Variants in SIPA1L1 observed in about 807,000 individuals in gnomAD.
The protein encoded by SIPA1L1 is signal-induced proliferation-associated 1-like protein 1.
SIPA1L1 carries 26 observed loss-of-function variants against 162.7 expected under a neutral mutation model. That is an observed-to-expected ratio of 0.16 (90% confidence interval 0.12 to 0.22). The LOEUF (loss-of-function observed/expected upper bound fraction) is 0.22. SIPA1L1 is among the 10% of genes least tolerant of loss of function. The pLI is 1.00. For synonymous variants in SIPA1L1, 829 were observed against 837.4 expected (o/e 0.99, Z 0.17); for missense variants, 1,874 against 2,241.0 (o/e 0.84, Z 3.31).
At chr14:71,559,545 G>A (rs2056617804) in intron 4 of SIPA1L1, among the ~76,000 whole-genome samples, 1 of 152,138 alleles carries the variant, frequency 6.6e-6, no homozygotes, top group Non-Finnish European at 1.5e-5. Context: ...ATTTATGGTG[G>A]TAAGGGTCTC....
rs190164630 is a variant in SIPA1L1 at position 71,479,929 on chromosome 14, A to G, written c.-464-32814A>G. On this transcript the variant is annotated intron_variant, in intron 2 of 23. Coordinates refer to ENST00000381232, the MANE Select transcript of SIPA1L1 (RefSeq NM_001386936.1). ...TTAATTTCTATTTTTAGTGGAGACA[A>G]GCCCTTACTATATTGTCCAGGATGA... Among the ~76,000 whole-genome samples, 219 of 152,052 alleles carry G rather than the reference A, an allele frequency of 1.4e-3. 1 individual carries two copies. Among genetic ancestry groups the G allele is most frequent in the Non-Finnish European group, 5.6e-4 (38 of 67,968 alleles).
chr14:71,720,107 T>C (rs1345376428), intron 17 of SIPA1L1, among the ~76,000 whole-genome samples: 7 of 152,220 alleles, frequency 4.6e-5, no homozygotes, highest in Non-Finnish European at 8.8e-5. Flanking sequence ...GTTTGATTAA[T>C]ATATGCCTTG....
At chr14:71,626,434 T>C (rs2039994531) in intron 7 of SIPA1L1, among the ~76,000 whole-genome samples, 1 of 152,190 alleles carries the variant, frequency 6.6e-6, no homozygotes, top group South Asian at 2.1e-4. Flanking sequence ...TGGATTGTAC[T>C]GAGATAAAGC....
intron 4 of SIPA1L1, chr14:71,586,461 G>A (rs368220156): frequency 1.3e-5 from 2 of 152,178 alleles, no homozygotes; most frequent in Admixed American, 6.5e-5. Flanking sequence ...AGACAATGCC[G>A]CCCTGTCAGC....
chr14:71,514,639 C>A (rs1375767103), intron 3 of SIPA1L1, among the ~76,000 whole-genome samples: 1 of 152,068 alleles, frequency 6.6e-6, no homozygotes, highest in Non-Finnish European at 1.5e-5. Flanking sequence ...CAGTCCTGCC[C>A]TATTTGTGTC....
chr14:71,332,315 C>T (rs909481871), intron 2 of SIPA1L1, among the ~76,000 whole-genome samples: 12 of 152,146 alleles, frequency 7.9e-5, no homozygotes, highest in African/African-American at 2.9e-4. Flanking sequence ...ATAGCTGATA[C>T]TCTTCTAGTG....
At chr14:71,522,154 C>A (rs974620565) in intron 3 of SIPA1L1, among the ~76,000 whole-genome samples, 1 of 152,118 alleles carries the variant, frequency 6.6e-6, no homozygotes, top group Admixed American at 6.6e-5. Flanking sequence ...AATAATAGTT[C>A]TCTCTGTCTT....
At chr14:71,362,973 G>A (rs1306825660) in intron 2 of SIPA1L1, among the ~76,000 whole-genome samples, 1 of 152,152 alleles carries the variant, frequency 6.6e-6, no homozygotes, top group Non-Finnish European at 1.5e-5. Context: ...TAGTGGGGTT[G>A]GTTACTTAAA....
At chr14:71,421,513 G>A (rs2043187300) in intron 2 of SIPA1L1, among the ~76,000 whole-genome samples, 1 of 152,034 alleles carries the variant, frequency 6.6e-6, no homozygotes, top group South Asian at 2.1e-4. Context: ...GTGGGAGGAT[G>A]GCTTGAGCCC....
intron 7 of SIPA1L1, among the ~76,000 whole-genome samples, chr14:71,647,874 A>G (rs2042305398): frequency 6.7e-6 from 1 of 149,426 alleles, no homozygotes; most frequent in African/African-American, 2.5e-5. Flanking sequence ...AAATGTCAGT[A>G]GTGTGCAGCA....
intron 2 of SIPA1L1, among the ~76,000 whole-genome samples, chr14:71,479,037 C>A (rs369642466): frequency 6.6e-6 from 1 of 152,174 alleles, no homozygotes; most frequent in African/African-American, 2.4e-5. Flanking sequence ...GCTCCTCTAG[C>A]TAAAACTCAG....
chr14:71,660,438 GCCAATAC>G (rs2043414787), intron 9 of SIPA1L1, among the ~76,000 whole-genome samples: 1 of 151,920 alleles, frequency 6.6e-6, no homozygotes, highest in Non-Finnish European at 1.5e-5. Context: ...CCACCTGGCA[GCCAATAC>G]TAGATCACTG....
intron 4 of SIPA1L1, among the ~76,000 whole-genome samples, chr14:71,538,764 C>T (rs2054120882): frequency 6.6e-6 from 1 of 152,124 alleles, no homozygotes; most frequent in Non-Finnish European, 1.5e-5. Context: ...CTGGTGTTTG[C>T]TGGATACAAG....
At chr14:71,664,870 A>T (rs2043857395) in intron 10 of SIPA1L1, among the ~76,000 whole-genome samples, 1 of 152,136 alleles carries the variant, frequency 6.6e-6, no homozygotes, top group South Asian at 2.1e-4. Flanking sequence ...TATTTATGAG[A>T]AGATGGGATT....
chr14:71,417,900 A>G (rs539299318), intron 2 of SIPA1L1, among the ~76,000 whole-genome samples: 1 of 152,292 alleles, frequency 6.6e-6, no homozygotes, highest in Non-Finnish European at 1.5e-5. Flanking sequence ...TGAGTTTGAC[A>G]TGGCCTGAGG....
At chr14:71,393,145 T>C (rs1026887781) in intron 2 of SIPA1L1, among the ~76,000 whole-genome samples, 4 of 152,216 alleles carry the variant, frequency 2.6e-5, no homozygotes, top group African/African-American at 9.6e-5. Context: ...GATATCGATA[T>C]ATGGAGGGGC....
chr14:71,553,500 G>A (rs2056064979), intron 4 of SIPA1L1, among the ~76,000 whole-genome samples: 1 of 152,204 alleles, frequency 6.6e-6, no homozygotes, highest in African/African-American at 2.4e-5. Flanking sequence ...ACCTCAGTCA[G>A]CCAAATAGGG....
At position 71,414,913 on chromosome 14, in the gene SIPA1L1, AAAC is replaced by A. The variant is rs141139370; in HGVS notation, c.-465+93737_-465+93739del. Among the ~76,000 whole-genome samples, 2,191 of 152,336 alleles carry A rather than the reference AAAC, an allele frequency of 0.014. 150 individuals are homozygous for A. In the East Asian group the frequency reaches 0.22, roughly 16 times the overall value. ...CAAAAGGATATTCTTTTATTGAGAA[AAAC>A]AACAGCTTAATGCAGATTAAGGGAG... is the stretch of plus-strand genomic sequence containing the variant. On this transcript the variant is annotated intron_variant, in intron 2 of 23. Transcript: ENST00000381232.
At chr14:71,528,547 G>A (rs1261305881) in intron 3 of SIPA1L1, among the ~76,000 whole-genome samples, 1 of 152,002 alleles carries the variant, frequency 6.6e-6, no homozygotes, top group Non-Finnish European at 1.5e-5. Context: ...TCAGCTACTC[G>A]GGAGGCTGGG....
Sources: allele counts gnomAD v4.1 joint callset (sites outside exome capture counted in the v4.1 genomes callset), GRCh38; gene constraint gnomAD v4.1.1; transcripts MANE v1.5; gene names NCBI Gene and HGNC (gene_info 2026-07-23, HGNC 2026-07-21).